Variants in DIDO1 observed in about 807,000 individuals in gnomAD.
DIDO1 encodes the protein death inducer-obliterator 1.
A neutral mutation model predicts 99.4 loss-of-function variants in DIDO1; 16 were observed. The ratio of observed to expected loss-of-function variants is 0.16; its 90% CI spans 0.11 to 0.24. The LOEUF is 0.24. Among genes scored for constraint, DIDO1 ranks in the 10% least tolerant of loss-of-function variants. The pLI is 1.00. For missense variants in DIDO1, 2,996 were observed against 3,014.0 expected (o/e 0.99, Z 0.14); for synonymous variants, 1,366 against 1,239.1 (o/e 1.10, Z -2.15).
intron 1 of DIDO1, among the ~76,000 whole-genome samples, chr20:62,923,166 G>A (rs530400091): frequency 1.3e-5 from 2 of 151,934 alleles, no homozygotes; most frequent in Non-Finnish European, 2.9e-5. Flanking sequence ...ACATCAGCAT[G>A]CTTGGCCTAA....
chr20:62,899,580 C>T (rs556239198), intron 6 of DIDO1, among the ~76,000 whole-genome samples: 1 of 152,310 alleles, frequency 6.6e-6, no homozygotes, highest in African/African-American at 2.4e-5. Flanking sequence ...CCACCCATTA[C>T]CCAAGAGTGG....
At position 62,911,554 on chromosome 20, in the gene DIDO1, C is replaced by T; in HGVS notation, c.59G>A (p.Ser20Asn). The T allele has an allele frequency of 6.2e-7, 1 of 1,610,802 alleles. No individual in the cohort carries two copies. The highest frequency in any genetic ancestry group is 8.5e-7 in the Non-Finnish European group (1 of 1,178,332). Reference protein sequence around the residue: ...EEAPKAIKPTSKEFRKTWGFR... With the variant: ...EEAPKAIKPTNKEFRKTWGFR... ...ACCCCATGTTTTCCTGAACTCTTTG[C>T]TGGTGGGTTTGATGGCCTTAGGTGC... Residue 20 changes from serine (S) to asparagine (N), a missense_variant, in exon 3 of 16, where the codon AGC becomes AAC. Transcript: ENST00000395343. This position sits in a 1 kb window ranked among gnomAD's most constrained non-coding sequence, Gnocchi z 7.0.
chr20:62,881,552 C>G lies in DIDO1; in HGVS notation c.4404G>C (p.Ala1468=), dbSNP rs776072192. The change falls in exon 16 of 16, where the codon GCG becomes GCC. Residue 1468 remains alanine, a synonymous_variant. Transcript: ENST00000395343. The surrounding 1 kb of genome is among the most constrained non-coding windows in gnomAD (Gnocchi z 8.3). The part of the protein sequence containing the change: ...ERPAEPVAGA[A]TPSLVEQQKM... The stretch of plus-strand genomic sequence containing the variant: ...TCTGTTGCTCCACCAGGGAGGGCGT[C>G]GCAGCCCCGGCCACCGGCTCGGCAG... 2 of 1,611,890 alleles carry G rather than the reference C, an allele frequency of 1.2e-6. No individual in the cohort carries two copies. The highest frequency in any genetic ancestry group is 4.5e-5 in the East Asian group (2 of 44,886).
intron 15 of DIDO1, among the ~76,000 whole-genome samples, chr20:62,886,961 T>C (rs2064306502): frequency 6.6e-6 from 1 of 152,200 alleles, no homozygotes; most frequent in Admixed American, 6.5e-5. Flanking sequence ...CTCTAAGACC[T>C]GCACAAAGCC....
At chr20:62,892,406 G>C (rs532482927) in intron 13 of DIDO1, among the ~76,000 whole-genome samples, 1 of 152,324 alleles carries the variant, frequency 6.6e-6, no homozygotes, top group South Asian at 2.1e-4. Context: ...TGCTAGTGCT[G>C]TCTTCTGGTT....
chr20:62,897,412 T>C (rs2147422779), intron 6 of DIDO1, among the ~76,000 whole-genome samples: 1 of 152,318 alleles, frequency 6.6e-6, no homozygotes, highest in East Asian at 1.9e-4. Context: ...AAAAAGACCG[T>C]TTAGAAGCGT....
intron 3 of DIDO1, 33 bp downstream of exon 3, chr20:62,910,741 T>C (rs1368459460): frequency 3.1e-6 from 5 of 1,589,120 alleles, no homozygotes; most frequent in Non-Finnish European, 4.3e-6. Flanking sequence ...TTTGCAACCC[T>C]GGGATTTCTG....
intron 6 of DIDO1, among the ~76,000 whole-genome samples, chr20:62,900,271 G>A (rs2064637549): frequency 6.6e-6 from 1 of 152,248 alleles, no homozygotes; most frequent in African/African-American, 2.4e-5. Context: ...CAGGCCACTG[G>A]CCCAGATGAA....
chr20:62,927,509 C>T (rs866872229), upstream of DIDO1, among the ~76,000 whole-genome samples: 1 of 152,100 alleles, frequency 6.6e-6, no homozygotes, highest in Non-Finnish European at 1.5e-5. Flanking sequence ...CCACTTGCTC[C>T]GAGGGCAGGG....
Position 62,892,864 on chromosome 20 carries a change from G to T in DIDO1, c.3200C>A (p.Ala1067Glu). Residue 1067 changes from alanine to glutamate, a missense_variant, in exon 13 of 16, where the codon GCA (alanine) becomes GAA (glutamate). Physicochemically the swap from Ala to Glu is moderately radical, Grantham distance 107 (BLOSUM62 -1). Around this residue, in one of 5 missense-constraint regions of DIDO1, gnomAD observed 135 missense variants for 202.3 expected, o/e 0.67. Coordinates refer to ENST00000395343, the MANE Select transcript of DIDO1 (RefSeq NM_001193369.2). ...WKGFINMQSV[A>E]KFVTKAYPVS... ...AGGATACGCCTTAGTGACAAATTTTGCCACACTCTGCATGTTAATAAATCC... is the reference window on the plus strand; with the variant it reads ...AGGATACGCCTTAGTGACAAATTTTTCCACACTCTGCATGTTAATAAATCC... 1.2e-6 allele frequency: 2 copies of T among 1,614,012 alleles called. No individual in the cohort carries two copies. The highest frequency in any genetic ancestry group is 2.2e-5 in the South Asian group (2 of 91,072).
At chr20:62,902,321 T>G (rs182026262) in intron 6 of DIDO1, among the ~76,000 whole-genome samples, 81 of 152,328 alleles carry the variant, frequency 5.3e-4, no homozygotes, top group Non-Finnish European at 1.0e-3. Flanking sequence ...TCCAGTTATA[T>G]GGATAACGTA....
upstream of DIDO1, among the ~76,000 whole-genome samples, chr20:62,926,986 ACGGCCT>A (rs1417486446): frequency 6.6e-6 from 1 of 152,176 alleles, no homozygotes; most frequent in Admixed American, 6.5e-5. Flanking sequence ...CAGGCCCCTG[ACGGCCT>A]CGGCTGGGAA....
chr20:62,921,703 G>A (rs922308038), intron 1 of DIDO1, among the ~76,000 whole-genome samples: 6 of 149,574 alleles, frequency 4.0e-5, no homozygotes, highest in Admixed American at 6.7e-5. Flanking sequence ...GACTGATCAC[G>A]GCTCACTGCA....
chr20:62,905,176 A>C, intron 6 of DIDO1: 1 of 1,067,868 alleles, frequency 9.4e-7, no homozygotes, highest in Non-Finnish European at 1.1e-6. Context: ...CGAGGGCAAG[A>C]AAGCCAGTCA....
At chr20:62,897,239 C>G (rs1043433704) in intron 6 of DIDO1, among the ~76,000 whole-genome samples, 2 of 152,228 alleles carry the variant, frequency 1.3e-5, no homozygotes, top group Non-Finnish European at 2.9e-5. Flanking sequence ...ATTATTCTAT[C>G]TTTTACCTTC....
At chr20:62,906,549 T>A (rs2064809119) in intron 5 of DIDO1, among the ~76,000 whole-genome samples, 1 of 152,240 alleles carries the variant, frequency 6.6e-6, no homozygotes, top group Non-Finnish European at 1.5e-5. Context: ...ATTCAAAGGC[T>A]AAATAATCAT....
intron 1 of DIDO1, among the ~76,000 whole-genome samples, chr20:62,933,053 C>T (rs1374043724): frequency 1.3e-5 from 2 of 152,208 alleles, no homozygotes; most frequent in South Asian, 2.1e-4. Context: ...TCTCTACTAA[C>T]AATACAAAAT....
Position 62,906,082 on chromosome 20 carries a change from A to G in DIDO1, c.1393T>C (p.Ser465Pro). 3.7e-6 allele frequency: 6 copies of G among 1,610,854 alleles called. No homozygotes were observed. The highest frequency in any genetic ancestry group is 5.1e-6 in the Non-Finnish European group (6 of 1,178,520). ...TCTGGAGCTGGTCTCTTGTGCACAG[A>G]AGAGATTTTAATACCTGCCTGGATA... ...CGAQAGIKISSVHKRPAPEKK... is the reference protein window; with the variant it reads ...CGAQAGIKISPVHKRPAPEKK... The change falls in exon 6 of 16, where the codon TCT becomes CCT. Residue 465 changes from serine (S) to proline (P), a missense_variant. Ser to Pro is a moderately conservative substitution (Grantham distance 74). Coordinates refer to ENST00000395343, the MANE Select transcript of DIDO1 (RefSeq NM_001193369.2).
rs764398815 is a variant in DIDO1, at chr20:62,882,041, C to A, written c.3915G>T (p.Ser1305=). The change falls in exon 16 of 16, where the codon TCG becomes TCT. Residue 1305 remains serine, a synonymous_variant. Coordinates refer to ENST00000395343, the MANE Select transcript of DIDO1 (RefSeq NM_001193369.2). ...AASTAASSTA[S]SASKTASPLE... ...GCGGTGATGCTGTTTTGGAAGCAGA[C>A]GAAGCGGTGGAGGAAGCTGCCGTGG... 1.9e-6 allele frequency: 3 copies of A among 1,613,418 alleles called. No homozygotes were observed. Among genetic ancestry groups the A allele is most frequent in the Admixed American group, 3.3e-5 (2 of 60,004 alleles).
Sources: allele counts gnomAD v4.1 joint callset (sites outside exome capture counted in the v4.1 genomes callset), GRCh38; gene constraint gnomAD v4.1.1; regional missense constraint gnomAD v4.1.1; non-coding constraint Gnocchi (gnomAD v3.1); transcripts MANE v1.5; gene names NCBI Gene and HGNC (gene_info 2026-07-23, HGNC 2026-07-21).